The following MYO10 variants were observed in gnomAD, a reference collection of about 807,000 sequenced individuals.
MYO10 encodes the protein myosin X.
In MYO10, 133 loss-of-function variants were observed where a neutral mutation model predicts 257.3. The ratio of observed to expected loss-of-function variants is 0.52; its 90% CI spans 0.45 to 0.60. The LOEUF is 0.60. MYO10 is among the 20% of genes least tolerant of loss of function. MYO10 has a pLI of 0.00. For missense variants in MYO10, 2,399 were observed against 2,635.7 expected (o/e 0.91, Z 1.97); for synonymous variants, 1,104 against 1,028.6 (o/e 1.07, Z -1.40).
At chr5:16,677,943 A>T (rs1736812496) in intron 33 of MYO10, among the ~76,000 whole-genome samples, 1 of 151,380 alleles carries the variant, frequency 6.6e-6, no homozygotes, top group Non-Finnish European at 1.5e-5. Flanking sequence ...GTATTTTCAC[A>T]AGAGACAGGG....
intron 19 of MYO10, among the ~76,000 whole-genome samples, chr5:16,715,071 C>T (rs1337550868): frequency 2.0e-5 from 3 of 148,150 alleles, no homozygotes; most frequent in Non-Finnish European, 4.4e-5. Context: ...CAAAATACCT[C>T]ATACATCCCA....
At chr5:16,696,769 T>C (rs758159506) in intron 26 of MYO10, among the ~76,000 whole-genome samples, 4 of 148,810 alleles carry the variant, frequency 2.7e-5, no homozygotes, top group Non-Finnish European at 4.4e-5. Flanking sequence ...GCCAGAAGAA[T>C]AGCTCAAACT....
Position 16,874,402 on chromosome 5 carries a change from G to A in MYO10, c.120+3207C>T, listed in dbSNP as rs182548815. ...AGTCAGGCTGCAAAATTTCCAAACC[G>A]TTATGCTCGCTTCCCTTATAAAACT... On this transcript the variant is annotated intron_variant, in intron 2 of 40. Transcript: ENST00000513610. 2.8e-4 allele frequency among the ~76,000 whole-genome samples: 37 copies of A among 131,282 alleles called. 1 individual carries two copies. The East Asian group carries it at 7.2e-3, about 26-fold the overall frequency. The allele number at this position is 131,282 out of a possible 152,430, so 86.1% of individuals were successfully genotyped here.
intron 1 of MYO10, among the ~76,000 whole-genome samples, chr5:16,927,203 T>C (rs1197158491): frequency 6.6e-6 from 1 of 151,980 alleles, no homozygotes; most frequent in African/African-American, 2.4e-5. Context: ...GTGTGTTTTA[T>C]CAGAAACATA....
chr5:16,805,134 T>A (rs1473546924), intron 3 of MYO10, among the ~76,000 whole-genome samples: 1 of 151,758 alleles, frequency 6.6e-6, no homozygotes, highest in Non-Finnish European at 1.5e-5. Context: ...AAGAGCTAGC[T>A]TGTTAAGTGT....
At position 16,802,823 on chromosome 5, in the gene MYO10, A is replaced by C. The variant is rs75484355; in HGVS notation, c.280-7990T>G. On this transcript the variant is annotated intron_variant, in intron 3 of 40. Coordinates refer to ENST00000513610, the MANE Select transcript of MYO10 (RefSeq NM_012334.3). ...ACATTATGCTCCTTAACTTTAAATA[A>C]AAAGTTTTAGAGGTTGGGTGTGGTG... Among the ~76,000 whole-genome samples, 1,086 of 152,152 alleles carry C rather than the reference A, an allele frequency of 7.1e-3. 11 individuals carry two copies. Among genetic ancestry groups the C allele is most frequent in the African/African-American group, 0.025 (1,043 of 41,522 alleles).
chr5:16,909,170 T>C (rs756678562), intron 1 of MYO10, among the ~76,000 whole-genome samples: 18 of 152,178 alleles, frequency 1.2e-4, no homozygotes, highest in Non-Finnish European at 2.4e-4. Flanking sequence ...ATGTCTTACA[T>C]GGTGGCAGGT....
At position 16,935,868 on chromosome 5, in the gene MYO10, C is replaced by T. The variant is rs1235017447; in HGVS notation, c.-60G>A. 1 of 1,600,222 alleles carries T rather than the reference C, an allele frequency of 6.2e-7. No individual in the cohort carries two copies. Among genetic ancestry groups the T allele is most frequent in the East Asian group, 2.3e-5 (1 of 44,190 alleles). On this transcript the variant is annotated 5_prime_UTR_variant, in exon 1 of 41. Coordinates refer to ENST00000513610, the MANE Select transcript of MYO10 (RefSeq NM_012334.3). The stretch of plus-strand genomic sequence containing the variant: ...CTCCGACTCGCGGAAGTCAGCGCCG[C>T]CGCGGGTCCGGGGAAACCATGCGTG...
At chr5:16,767,497 G>C (rs942541674) in intron 10 of MYO10, among the ~76,000 whole-genome samples, 2 of 152,082 alleles carry the variant, frequency 1.3e-5, no homozygotes, top group Middle Eastern at 3.4e-3. Flanking sequence ...CAATATGCCA[G>C]ACATTAAAGA....
At chr5:16,842,222 G>A (rs764498197) in intron 2 of MYO10, among the ~76,000 whole-genome samples, 5 of 152,166 alleles carry the variant, frequency 3.3e-5, no homozygotes, top group Non-Finnish European at 7.3e-5. Context: ...GGTAGAAGTT[G>A]TATGCTTGCC....
intron 3 of MYO10, among the ~76,000 whole-genome samples, chr5:16,799,370 T>C (rs1742053885): frequency 6.6e-6 from 1 of 152,184 alleles, no homozygotes; most frequent in Non-Finnish European, 1.5e-5. Context: ...TCCAGTGAAA[T>C]AGTTTTTAAA....
At chr5:16,666,837 C>G (rs1476323828) in intron 40 of MYO10, 44 bp from the exon 41 acceptor site, 1 of 1,500,636 alleles carries the variant, frequency 6.7e-7, no homozygotes, top group Non-Finnish European at 9.0e-7. Context: ...ACAAGTCTCC[C>G]CCAGGCAAAG....
intron 19 of MYO10, among the ~76,000 whole-genome samples, chr5:16,719,487 TAACA>T (rs1739052843): frequency 6.6e-6 from 1 of 152,220 alleles, no homozygotes; most frequent in Non-Finnish European, 1.5e-5. Context: ...TCTGCTTTAA[TAACA>T]AATATCAAAT....
At chr5:16,874,825 T>G (rs2914575) in intron 2 of MYO10, among the ~76,000 whole-genome samples, 10,437 of 152,184 alleles carry the variant, frequency 0.069, 1,012 homozygotes, top group African/African-American at 0.22. Context: ...TTCCAGCAAG[T>G]ATCCATGCCT....
At chr5:16,761,613 C>T in intron 16 of MYO10, 67 bp from the exon 17 acceptor site, 1 of 1,070,984 alleles carries the variant, frequency 9.3e-7, no homozygotes, top group Non-Finnish European at 1.4e-6. Flanking sequence ...AAGCAACTTC[C>T]CTGAAAGAGC....
chr5:16,930,539 A>G (rs1344974683), intron 1 of MYO10, among the ~76,000 whole-genome samples: 1 of 152,202 alleles, frequency 6.6e-6, no homozygotes, highest in Non-Finnish European at 1.5e-5. Flanking sequence ...ACCTCAGAAC[A>G]AAAAGCTCTA....
chr5:16,862,920 C>T (rs1010431027), intron 2 of MYO10, among the ~76,000 whole-genome samples: 1 of 152,132 alleles, frequency 6.6e-6, no homozygotes, highest in African/African-American at 2.4e-5. Context: ...CAGGCTTACA[C>T]AGGACTAAGG....
At chr5:16,921,882 G>T (rs747448058) in intron 1 of MYO10, among the ~76,000 whole-genome samples, 2 of 151,860 alleles carry the variant, frequency 1.3e-5, no homozygotes, top group African/African-American at 4.8e-5. Context: ...GGCCACCACC[G>T]CCCTCACCCA....
chr5:16,758,607 G>A (rs552248121), intron 17 of MYO10, among the ~76,000 whole-genome samples: 44 of 152,264 alleles, frequency 2.9e-4, no homozygotes, highest in Middle Eastern at 3.4e-3. Flanking sequence ...AGCAGTTAAC[G>A]GATGGAAAGG....
Sources: allele counts gnomAD v4.1 joint callset (sites outside exome capture counted in the v4.1 genomes callset), GRCh38; gene constraint gnomAD v4.1.1; transcripts MANE v1.5; gene names NCBI Gene and HGNC (gene_info 2026-07-23, HGNC 2026-07-21).